ST3GAL6: variants seen among roughly 807,000 people sequenced by gnomAD.
The protein encoded by ST3GAL6 is ST3 beta-galactoside alpha-2,3-sialyltransferase 6, also known as type 2 lactosamine alpha-2,3-sialyltransferase.
Under a neutral mutation model 40.5 loss-of-function variants are expected in ST3GAL6, and 31 were observed. The observed-to-expected ratio is 0.77, with a 90% CI of 0.58 to 1.03. ST3GAL6 has a LOEUF of 1.03. ST3GAL6 is among the 50% of genes least tolerant of loss of function. The pLI is 0.00. For missense variants in ST3GAL6, 357 were observed against 393.2 expected, an observed-to-expected ratio of 0.91 and a Z score of 0.78; for synonymous variants, 129 against 136.9, an observed-to-expected ratio of 0.94 and a Z score of 0.40.
intron 1 of ST3GAL6, among the ~76,000 whole-genome samples, chr3:98,737,523 A>G (rs1935658263): frequency 6.6e-6 from 1 of 152,226 alleles, no homozygotes; most frequent in Admixed American, 6.5e-5. Context: ...AGAGACGCCT[A>G]TACAGTATTC....
upstream of ST3GAL6, among the ~76,000 whole-genome samples, chr3:98,759,157 T>C (rs1937573443): frequency 6.6e-6 from 1 of 152,238 alleles, no homozygotes; most frequent in Non-Finnish European, 1.5e-5. Context: ...GAGGATTTTA[T>C]GCCAAGTACA....
intron 1 of ST3GAL6, among the ~76,000 whole-genome samples, chr3:98,740,035 A>G (rs1008271911): frequency 7.2e-5 from 11 of 152,196 alleles, no homozygotes; most frequent in African/African-American, 2.7e-4. Flanking sequence ...TTTCAGGTAG[A>G]TGTCGAAGTG....
At chr3:98,771,575 C>G (rs570257238) in intron 3 of ST3GAL6, among the ~76,000 whole-genome samples, 23 of 152,270 alleles carry the variant, frequency 1.5e-4, no homozygotes, top group Middle Eastern at 6.8e-3. Flanking sequence ...TTGGGTAAAA[C>G]AGGCACAATC....
chr3:98,791,312 T>C (rs1941185657), intron 8 of ST3GAL6, among the ~76,000 whole-genome samples: 1 of 152,230 alleles, frequency 6.6e-6, no homozygotes, highest in Non-Finnish European at 1.5e-5. Context: ...ACTGTTACAA[T>C]TTATCATTGA....
intron 5 of ST3GAL6, chr3:98,782,558 G>T (rs1482637827): frequency 3.7e-6 from 2 of 546,298 alleles, no homozygotes; most frequent in Non-Finnish European, 3.3e-6. Flanking sequence ...CAAGTACCAT[G>T]CTCTTTACTG....
intron 1 of ST3GAL6, among the ~76,000 whole-genome samples, chr3:98,752,378 G>T (rs1333076499): frequency 6.6e-6 from 1 of 151,494 alleles, no homozygotes; most frequent in Non-Finnish European, 1.5e-5. Flanking sequence ...TAATATTTCA[G>T]ATTTTTTCAT....
chr3:98,760,809 G>A (rs1937671861), upstream of ST3GAL6, among the ~76,000 whole-genome samples: 1 of 152,200 alleles, frequency 6.6e-6, no homozygotes, highest in South Asian at 2.1e-4. Context: ...GAAACCAAAT[G>A]TGTATTGCCT....
At chr3:98,746,766 T>C (rs559476873) in intron 1 of ST3GAL6, among the ~76,000 whole-genome samples, 39 of 152,178 alleles carry the variant, frequency 2.6e-4, no homozygotes, top group Non-Finnish European at 4.9e-4. Context: ...TATGTATGTA[T>C]TTTGGGGGCA....
At chr3:98,733,051 G>A in intron 1 of ST3GAL6, 2 of 1,415,666 alleles carry the variant, frequency 1.4e-6, no homozygotes, top group Middle Eastern at 2.5e-4. Flanking sequence ...GGTCTGGGCC[G>A]GGGTCCGGGC....
chr3:98,777,872 A>G (rs1939700934), intron 5 of ST3GAL6, among the ~76,000 whole-genome samples: 1 of 152,252 alleles, frequency 6.6e-6, no homozygotes, highest in Admixed American at 6.5e-5. Context: ...TGCATCACAG[A>G]AAAGGAATAC....
intron 9 of ST3GAL6, among the ~76,000 whole-genome samples, chr3:98,793,126 C>T (rs144637890): frequency 1.3e-5 from 2 of 152,274 alleles, no homozygotes; most frequent in African/African-American, 2.4e-5. Context: ...GGTACCCCAA[C>T]AGACTTTGGA....
At chr3:98,777,114 C>T (rs1440539132) in intron 5 of ST3GAL6, among the ~76,000 whole-genome samples, 1 of 152,168 alleles carries the variant, frequency 6.6e-6, no homozygotes. Context: ...GGAGTTCCAC[C>T]GATCACGCCT....
At chr3:98,759,242 T>C (rs951621442), upstream of ST3GAL6, among the ~76,000 whole-genome samples, 1 of 152,130 alleles carries the variant, frequency 6.6e-6, no homozygotes, top group Non-Finnish European at 1.5e-5. Flanking sequence ...AATGAGAACA[T>C]GGGTTTAGGA....
chr3:98,787,076 G>C (rs1431615550), intron 6 of ST3GAL6, among the ~76,000 whole-genome samples: 1 of 151,912 alleles, frequency 6.6e-6, no homozygotes, highest in African/African-American at 2.4e-5. Context: ...GGGTTTTGTG[G>C]GGTTACAAGC....
chr3:98,736,504 G>A (rs1407297725), intron 1 of ST3GAL6, among the ~76,000 whole-genome samples: 1 of 152,186 alleles, frequency 6.6e-6, no homozygotes, highest in African/African-American at 2.4e-5. Flanking sequence ...ACCTTCCACA[G>A]GTTGTGGAAG....
chr3:98,749,033 A>T (rs887990328), intron 1 of ST3GAL6, among the ~76,000 whole-genome samples: 3 of 152,188 alleles, frequency 2.0e-5, no homozygotes, highest in African/African-American at 7.2e-5. Flanking sequence ...GCCTTTCTTG[A>T]TGAACTGTAA....
chr3:98,765,805 C>T (rs1021658383), intron 1 of ST3GAL6, among the ~76,000 whole-genome samples: 1 of 152,046 alleles, frequency 6.6e-6, no homozygotes, highest in Admixed American at 6.6e-5. Flanking sequence ...TATTAAAGGG[C>T]CTTATGTCTT....
intron 1 of ST3GAL6, among the ~76,000 whole-genome samples, chr3:98,745,207 T>G (rs892587266): frequency 2.6e-5 from 4 of 152,176 alleles, no homozygotes; most frequent in African/African-American, 9.7e-5. Context: ...CTAATTTTTG[T>G]ATTTTTAGTA....
intron 1 of ST3GAL6, among the ~76,000 whole-genome samples, chr3:98,749,575 A>C (rs923352604): frequency 7.2e-5 from 11 of 152,248 alleles, no homozygotes; most frequent in African/African-American, 2.4e-4. Flanking sequence ...ATCCAGGCTT[A>C]TTCAGAATAA....
Sources: gnomAD v4.1 joint callset for allele counts (sites outside exome capture counted in the v4.1 genomes callset) on GRCh38, gnomAD v4.1.1 for gene constraint, MANE v1.5 for transcripts, NCBI Gene and HGNC (gene_info 2026-07-23, HGNC 2026-07-21) for gene names.